Variants in FAM161B observed in about 807,000 individuals in gnomAD.
The protein encoded by FAM161B is protein FAM161B.
A neutral mutation model predicts 61.5 loss-of-function variants in FAM161B; 46 were observed. The ratio of observed to expected loss-of-function variants is 0.75; its 90% CI spans 0.59 to 0.96. FAM161B has a LOEUF of 0.96. Ranked by LOEUF, FAM161B falls within the 40% of genes least tolerant of loss-of-function variation. FAM161B has a pLI of 0.00. For synonymous variants in FAM161B, 284 were observed against 302.7 expected, an observed-to-expected ratio of 0.94 and a Z score of 0.64; for missense variants, 774 against 800.7, an observed-to-expected ratio of 0.97 and a Z score of 0.40.
Position 73,946,507 on chromosome 14 carries a change from G to A in FAM161B, c.153C>T (p.Leu51=), listed in dbSNP as rs747392874. The A allele has an allele frequency of 6.2e-6, 10 of 1,614,072 alleles. No homozygotes were observed. Among genetic ancestry groups the A allele is most frequent in the South Asian group, 1.1e-5 (1 of 91,090 alleles). ...TAGAATCTATCTCCTCCTCTGGGCTGAGGAACTCGTCAAGTTTGCTGGCCC... is the reference window on the plus strand; with the variant it reads ...TAGAATCTATCTCCTCCTCTGGGCTAAGGAACTCGTCAAGTTTGCTGGCCC... ...LPRASKLDEF[L]SPEEEIDSTS... The change falls in exon 2 of 9, where the codon CTC becomes CTT. Residue 51 remains leucine (L), a synonymous_variant. Coordinates refer to ENST00000286544, the MANE Select transcript of FAM161B (RefSeq NM_152445.3).
the FAM161B span, among the ~76,000 whole-genome samples, chr14:73,923,732 C>T: frequency 2.0e-5 from 3 of 152,088 alleles, no homozygotes; most frequent in Non-Finnish European, 2.9e-5. Context: ...CTGGGACTCC[C>T]GGCTTTAAAG....
chr14:73,947,385 C>CAA (rs35497668), intron 1 of FAM161B, among the ~76,000 whole-genome samples: 6,094 of 96,438 alleles, frequency 0.063, 414 homozygotes, highest in African/African-American at 0.18. Context: ...TGCTCCGTCT[C>CAA]AAAAAAAAAA....
rs1010229771 is a variant in FAM161B at position 73,932,407 on chromosome 14, G to A, written c.*1849C>T. On this transcript the variant is annotated 3_prime_UTR_variant, in exon 9 of 9. Transcript: ENST00000286544. ...AGTAAAACTGAACCGAGGAGTCTTAGGAAACAACAAGAACATCTTCATTTC... is the reference window on the plus strand; with the variant it reads ...AGTAAAACTGAACCGAGGAGTCTTAAGAAACAACAAGAACATCTTCATTTC... 2 of 449,694 alleles carry A rather than the reference G, an allele frequency of 4.4e-6. No individual in the cohort carries two copies. The highest frequency in any genetic ancestry group is 2.0e-5 in the African/African-American group (1 of 49,454). The allele number at this position is 449,694 out of a possible 1,614,324, so 27.9% of individuals were successfully genotyped here.
chr14:73,938,689 A>G (rs374954527), intron 5 of FAM161B, among the ~76,000 whole-genome samples: 35 of 149,968 alleles, frequency 2.3e-4, no homozygotes, highest in South Asian at 4.3e-4. Context: ...GGAGAATGGC[A>G]TGAACCTGGG....
At chr14:73,930,852 C>T (rs1307308164), downstream of FAM161B, among the ~76,000 whole-genome samples, 3 of 152,200 alleles carry the variant, frequency 2.0e-5, no homozygotes, top group Non-Finnish European at 2.9e-5. Context: ...TCTCCTGCCT[C>T]AGCCTCCCAA....
downstream of FAM161B, among the ~76,000 whole-genome samples, chr14:73,928,593 GTATA>G (rs1223282417): frequency 6.6e-6 from 1 of 152,130 alleles, no homozygotes; most frequent in African/African-American, 2.4e-5. Context: ...GAGCATCCAT[GTATA>G]ATAGGTGCTG....
chr14:73,941,792 G>A (rs1374947595), intron 4 of FAM161B, among the ~76,000 whole-genome samples: 1 of 151,922 alleles, frequency 6.6e-6, no homozygotes, highest in Non-Finnish European at 1.5e-5. Flanking sequence ...TGCAATCTCC[G>A]CCTCCCAGGT....
At chr14:73,923,850 T>C in the FAM161B span, among the ~76,000 whole-genome samples, 1 of 152,128 alleles carries the variant, frequency 6.6e-6, no homozygotes, top group East Asian at 1.9e-4. Flanking sequence ...ACTGAATAAA[T>C]GCATGTTGAC....
intron 4 of FAM161B, 126 bp downstream of exon 4, chr14:73,942,243 C>T: frequency 1.1e-6 from 1 of 931,022 alleles, no homozygotes; most frequent in Non-Finnish European, 1.6e-6. Flanking sequence ...AATCTGCTTA[C>T]AACTGAGCTG....
At chr14:73,948,405 T>C (rs1311239397) in intron 1 of FAM161B, among the ~76,000 whole-genome samples, 4 of 152,238 alleles carry the variant, frequency 2.6e-5, no homozygotes, top group African/African-American at 2.4e-5. Flanking sequence ...GTCTGAGTTA[T>C]ACTTTCTCAG....
At chr14:73,927,441 G>A (rs1247021518), downstream of FAM161B, among the ~76,000 whole-genome samples, 2 of 152,118 alleles carry the variant, frequency 1.3e-5, no homozygotes, top group African/African-American at 2.4e-5. Context: ...CCCTGAAATC[G>A]TCATTTCAGG....
intron 8 of FAM161B, 36 bp from the exon 9 acceptor site, chr14:73,934,430 A>T (rs918992267): frequency 3.1e-4 from 494 of 1,569,962 alleles, no homozygotes; most frequent in Non-Finnish European, 3.8e-4. Flanking sequence ...AACAAAAAAA[A>T]TTTTTTTTTC....
chr14:73,937,464 G>T, intron 7 of FAM161B, 138 bp downstream of exon 7: 1 of 715,710 alleles, frequency 1.4e-6, no homozygotes, highest in Non-Finnish European at 2.3e-6. Flanking sequence ...ATTTATTTTG[G>T]GAAAAGAAGG....
intron 4 of FAM161B, among the ~76,000 whole-genome samples, chr14:73,941,739 C>T (rs533273147): frequency 6.6e-6 from 1 of 152,150 alleles, no homozygotes; most frequent in South Asian, 2.1e-4. Context: ...AACTTTCACT[C>T]TTGTTGTCCA....
the FAM161B span, chr14:73,923,555 C>A: frequency 6.3e-7 from 1 of 1,596,988 alleles, no homozygotes; most frequent in Non-Finnish European, 8.5e-7. Flanking sequence ...GTTTCTGTGA[C>A]AATTCATGTG....
chr14:73,936,625 G>A (rs1269408281), intron 7 of FAM161B, among the ~76,000 whole-genome samples: 1 of 152,190 alleles, frequency 6.6e-6, no homozygotes, highest in African/African-American at 2.4e-5. Flanking sequence ...TCCTAGAGAG[G>A]TGAAAGATCT....
At chr14:73,942,005 C>G (rs756548983) in intron 4 of FAM161B, among the ~76,000 whole-genome samples, 26 of 152,178 alleles carry the variant, frequency 1.7e-4, no homozygotes, top group Non-Finnish European at 3.4e-4. Context: ...CACGCCTGGC[C>G]TGTTTTTTGT....
At chr14:73,935,905 G>C (rs2055967478) in intron 8 of FAM161B, 44 bp downstream of exon 8, 1 of 1,581,160 alleles carries the variant, frequency 6.3e-7, no homozygotes, top group African/African-American at 1.3e-5. Flanking sequence ...TACTGGGTAT[G>C]ACAATTTAGA....
At chr14:73,935,548 T>TAA (rs11421857) in intron 8 of FAM161B, among the ~76,000 whole-genome samples, 57 of 144,468 alleles carry the variant, frequency 3.9e-4, no homozygotes, top group Admixed American at 8.2e-4. Flanking sequence ...ATACAAAAAA[T>TAA]AAAAAAAAAA....
Sources: gnomAD v4.1 joint callset for allele counts (sites outside exome capture counted in the v4.1 genomes callset) on GRCh38, gnomAD v4.1.1 for gene constraint, MANE v1.5 for transcripts, NCBI Gene and HGNC (gene_info 2026-07-23, HGNC 2026-07-21) for gene names.